The following SERTAD2 variants were observed in gnomAD, a reference collection of about 807,000 sequenced individuals.
SERTAD2 encodes the protein SERTA domain containing 2, also known as SERTA domain-containing protein 2.
A neutral mutation model predicts 15.4 loss-of-function variants in SERTAD2; 2 were observed. That is an observed-to-expected ratio of 0.13 (90% CI 0.05 to 0.41). SERTAD2 has a LOEUF of 0.41. Among genes scored for constraint, SERTAD2 ranks in the 10% least tolerant of loss-of-function variants. The pLI is 0.99. For synonymous variants in SERTAD2, 180 were observed against 178.0 expected, an observed-to-expected ratio of 1.01 and a Z score of -0.09; for missense variants, 333 against 409.7, an observed-to-expected ratio of 0.81 and a Z score of 1.62.
chr2:64,648,298 C>T (rs1674946482), intron 1 of SERTAD2, among the ~76,000 whole-genome samples: 1 of 152,092 alleles, frequency 6.6e-6, no homozygotes, highest in Non-Finnish European at 1.5e-5. Flanking sequence ...TAAGGTTTTA[C>T]AAAGACAATT....
intron 1 of SERTAD2, among the ~76,000 whole-genome samples, chr2:64,644,295 G>A (rs1674849011): frequency 6.6e-6 from 1 of 152,256 alleles, no homozygotes; most frequent in South Asian, 2.1e-4. Flanking sequence ...AGTAGGGCCA[G>A]GATTGTTTTG....
At chr2:64,638,490 C>G (rs1313036315) in intron 1 of SERTAD2, among the ~76,000 whole-genome samples, 2 of 152,240 alleles carry the variant, frequency 1.3e-5, no homozygotes, top group African/African-American at 2.4e-5. Context: ...GCAGGCCATG[C>G]TGCCCTCAAG....
At chr2:64,647,002 T>C (rs1011197774) in intron 1 of SERTAD2, among the ~76,000 whole-genome samples, 1 of 152,218 alleles carries the variant, frequency 6.6e-6, no homozygotes, top group African/African-American at 2.4e-5. Flanking sequence ...TTAATAACTA[T>C]AAATTATCTC....
rs1041528329 is a variant in SERTAD2 at position 64,653,692 on chromosome 2, T to G, written c.-77A>C. Reference sequence around the variant, plus strand: ...CCACTCCTCAGCTACTCCCGCTCCATGCGGAGTGCCCCGCTCCAGGGGCCC... The same window carrying G: ...CCACTCCTCAGCTACTCCCGCTCCAGGCGGAGTGCCCCGCTCCAGGGGCCC... On this transcript the variant is annotated 5_prime_UTR_variant, in exon 1 of 2. It removes an upstream start codon present in the reference 5' UTR. Transcript: ENST00000313349. The G allele has an allele frequency of 6.6e-6, 1 of 152,224 alleles. No individual in the cohort carries two copies. The highest frequency in any genetic ancestry group is 1.5e-5 in the Non-Finnish European group (1 of 68,090). The allele number at this position is 152,224 out of a possible 1,614,324, so 9.4% of individuals were successfully genotyped here.
At chr2:64,640,206 T>C (rs1010520697) in intron 1 of SERTAD2, among the ~76,000 whole-genome samples, 4 of 152,306 alleles carry the variant, frequency 2.6e-5, no homozygotes, top group Non-Finnish European at 5.9e-5. Context: ...TCCTTAAGTT[T>C]GCCTGACACA....
At chr2:64,641,380 C>T (rs1674774335) in intron 1 of SERTAD2, among the ~76,000 whole-genome samples, 1 of 152,126 alleles carries the variant, frequency 6.6e-6, no homozygotes. Flanking sequence ...CTGGGGGCGG[C>T]CGGGAGACTG....
chr2:64,642,722 G>T (rs984696391), intron 1 of SERTAD2, among the ~76,000 whole-genome samples: 1 of 152,222 alleles, frequency 6.6e-6, no homozygotes, highest in Non-Finnish European at 1.5e-5. Context: ...ACCCTGGGTT[G>T]GGGGGGCAGG....
At chr2:64,639,246 C>T (rs980555022) in intron 1 of SERTAD2, among the ~76,000 whole-genome samples, 10 of 152,122 alleles carry the variant, frequency 6.6e-5, no homozygotes, top group Admixed American at 2.6e-4. Context: ...TACTGGTCCA[C>T]GATGAGGTAT....
At chr2:64,639,208 C>T (rs1368925944) in intron 1 of SERTAD2, among the ~76,000 whole-genome samples, 1 of 152,192 alleles carries the variant, frequency 6.6e-6, no homozygotes, top group East Asian at 1.9e-4. Context: ...CAAAGTGTGG[C>T]CACAGATGGT....
At chr2:64,644,014 G>A (rs1387059434) in intron 1 of SERTAD2, among the ~76,000 whole-genome samples, 2 of 152,198 alleles carry the variant, frequency 1.3e-5, no homozygotes, top group Non-Finnish European at 1.5e-5. Flanking sequence ...AGAAAGATGA[G>A]GCCTTTAACC....
chr2:64,645,249 G>C (rs965885856), intron 1 of SERTAD2, among the ~76,000 whole-genome samples: 4 of 152,096 alleles, frequency 2.6e-5, no homozygotes, highest in Admixed American at 6.5e-5. Context: ...CGCCTCCTCC[G>C]GGCTCTCCCG....
intron 1 of SERTAD2, among the ~76,000 whole-genome samples, chr2:64,642,785 AG>A (rs1384999580): frequency 6.6e-6 from 1 of 152,176 alleles, no homozygotes; most frequent in Admixed American, 6.5e-5. Flanking sequence ...CAGACCACCA[AG>A]GCTGGCTTGC....
chr2:64,633,420 C>T lies in SERTAD2; in HGVS notation c.*2507G>A, dbSNP rs1674579517. The T allele has an allele frequency of 6.6e-6, 1 of 152,220 alleles. No individual in the cohort carries two copies. Among genetic ancestry groups the T allele is most frequent in the Admixed American group, 6.5e-5 (1 of 15,284 alleles). 9.4% of individuals were successfully genotyped at this position (152,220 alleles called of 1,614,324 possible). A position where few individuals can be genotyped will look rare whatever the true frequency, so the allele number is the denominator to read the frequency against. ...GCCCAACATATGGGATTTGTTTAAA[C>T]ACATGATTTGCTAATCCAACAAAAG... On this transcript the variant is annotated 3_prime_UTR_variant, in exon 2 of 2. Transcript: ENST00000313349.
intron 1 of SERTAD2, among the ~76,000 whole-genome samples, chr2:64,639,317 T>A (rs1484369144): frequency 1.3e-5 from 2 of 152,276 alleles, no homozygotes; most frequent in African/African-American, 4.8e-5. Flanking sequence ...GTAACTGTTA[T>A]GTCTGTACAT....
Position 64,633,360 on chromosome 2 carries a change from T to C in SERTAD2, c.*2567A>G, listed in dbSNP as rs988682019. On this transcript the variant is annotated 3_prime_UTR_variant, in exon 2 of 2. Coordinates refer to ENST00000313349, the MANE Select transcript of SERTAD2 (RefSeq NM_014755.3). ...ATACATAAGAGTCAGAGAACCAAGT[T>C]TGGGCAACACTTCTCCGTGCTTATT... is the stretch of plus-strand genomic sequence containing the variant. 6.6e-6 allele frequency: 1 copy of C among 152,196 alleles called. No individual in the cohort carries two copies. The highest frequency in any genetic ancestry group is 1.5e-5 in the Non-Finnish European group (1 of 68,018). 9.4% of individuals were successfully genotyped at this position (152,196 alleles called of 1,614,324 possible). A position where few individuals can be genotyped will look rare whatever the true frequency, so the allele number is the denominator to read the frequency against.
chr2:64,645,197 G>T lies in SERTAD2; in HGVS notation c.-4-8322C>A, dbSNP rs138293047. Among the ~76,000 whole-genome samples the T allele has an allele frequency of 4.6e-4, 70 of 152,272 alleles. 1 individual carries two copies. The East Asian group carries it at 0.013, about 28-fold the overall frequency. ...TCAAGCCAGTCTCCTGTGCTCCAGC[G>T]ATATTCTGAACCTGTAACCCGATAC... On this transcript the variant is annotated intron_variant, in intron 1 of 1. Coordinates refer to ENST00000313349, the MANE Select transcript of SERTAD2 (RefSeq NM_014755.3).
Position 64,636,856 on chromosome 2 carries a change from C to T in SERTAD2, c.16G>A (p.Gly6Arg). The T allele has an allele frequency of 6.2e-7, 1 of 1,612,570 alleles. No homozygotes were observed. Reference protein sequence around the residue: MLGKGGKRKFDEHEDG... With the variant: MLGKGRKRKFDEHEDG... Reference sequence around the variant, plus strand: ...TCATGCTCATCAAACTTCCGTTTTCCTCCTTTACCCAACATATATCTGCAG... The same window carrying T: ...TCATGCTCATCAAACTTCCGTTTTCTTCCTTTACCCAACATATATCTGCAG... The change falls in exon 2 of 2, where the codon GGA becomes AGA. Residue 6 changes from glycine (G) to arginine (R), a missense_variant. Transcript: ENST00000313349.
chr2:64,651,640 TAGAAAAGCTTTAAAG>T (rs1234054314), intron 1 of SERTAD2, among the ~76,000 whole-genome samples: 3 of 152,220 alleles, frequency 2.0e-5, no homozygotes, highest in African/African-American at 7.2e-5. Context: ...CTCAATTAAA[TAGAAAAGCTTTAAAG>T]AGGGACAATT....
intron 1 of SERTAD2, 105 bp from the exon 2 acceptor site, chr2:64,636,980 G>A: frequency 2.6e-6 from 2 of 769,584 alleles, no homozygotes; most frequent in African/African-American, 1.7e-5. Context: ...TCAGTTTCCT[G>A]CCCAGGGTTA....
Sources: gnomAD v4.1 joint callset for allele counts (sites outside exome capture counted in the v4.1 genomes callset) on GRCh38, gnomAD v4.1.1 for gene constraint, MANE v1.5 for transcripts, NCBI Gene and HGNC (gene_info 2026-07-23, HGNC 2026-07-21) for gene names.